BARX2: variants seen among roughly 807,000 people sequenced by gnomAD.
BARX2 encodes the protein homeobox protein BarH-like 2.
BARX2 carries 11 observed loss-of-function variants against 25.5 expected under a neutral mutation model. The ratio of observed to expected loss-of-function variants is 0.43; its 90% CI spans 0.27 to 0.71. The LOEUF (loss-of-function observed/expected upper bound fraction) is 0.71, where lower values mean the gene tolerates loss of function less well. Among genes scored for constraint, BARX2 ranks in the 30% least tolerant of loss-of-function variants. BARX2 has a pLI of 0.19. For synonymous variants in BARX2, 137 were observed against 149.5 expected (o/e 0.92, Z 0.61); for missense variants, 360 against 359.9 (o/e 1.00, Z 0.00).
chr11:129,439,877 C>T (rs1174896983), intron 2 of BARX2, among the ~76,000 whole-genome samples: 1 of 152,034 alleles, frequency 6.6e-6, no homozygotes, highest in East Asian at 1.9e-4. Context: ...GCGTGCATGA[C>T]TAACATATTA....
At chr11:129,441,843 T>C (rs556331849) in intron 2 of BARX2, among the ~76,000 whole-genome samples, 1 of 152,336 alleles carries the variant, frequency 6.6e-6, no homozygotes, top group African/African-American at 2.4e-5. Context: ...CTCAACTCTC[T>C]TATCTGTAAA....
chr11:129,389,665 T>C (rs1427626058), intron 1 of BARX2, among the ~76,000 whole-genome samples: 1 of 151,740 alleles, frequency 6.6e-6, no homozygotes, highest in African/African-American at 2.4e-5. Context: ...GCAGAATTTC[T>C]CAACACGTTT....
chr11:129,398,823 G>A (rs6590384), intron 1 of BARX2, among the ~76,000 whole-genome samples: 46,088 of 152,100 alleles, frequency 0.3, 8,532 homozygotes, highest in East Asian at 0.53. Context: ...TTTAGTTCCA[G>A]TAGTTGGCTT....
intron 1 of BARX2, among the ~76,000 whole-genome samples, chr11:129,428,662 G>C (rs1449339520): frequency 6.6e-6 from 1 of 152,196 alleles, no homozygotes; most frequent in African/African-American, 2.4e-5. Context: ...TTTTCGGAGA[G>C]ATCCAGTGGT....
At chr11:129,412,143 G>T (rs1053401801) in intron 1 of BARX2, among the ~76,000 whole-genome samples, 1 of 151,922 alleles carries the variant, frequency 6.6e-6, no homozygotes, top group Admixed American at 6.5e-5. Flanking sequence ...ATGGTGGCGG[G>T]CGCCTGTAGT....
At chr11:129,399,837 G>A (rs1861758512) in intron 1 of BARX2, among the ~76,000 whole-genome samples, 1 of 152,204 alleles carries the variant, frequency 6.6e-6, no homozygotes, top group Non-Finnish European at 1.5e-5. Context: ...CCTTCTGGGT[G>A]CTGCCTGGCA....
Position 129,395,877 on chromosome 11 carries a change from C to T in BARX2, c.187+19655C>T, listed in dbSNP as rs556542028. On this transcript the variant is annotated intron_variant, in intron 1 of 3. Transcript: ENST00000281437. ...ATGGTGAAATGGGTATAGCGACACC[C>T]GTGCTCAGGGTTTGCTATAGAGATT... Among the ~76,000 whole-genome samples the T allele has an allele frequency of 4.6e-5, 7 of 152,170 alleles. No homozygotes were observed. The East Asian group carries it at 5.8e-4, about 13-fold the overall frequency.
chr11:129,394,007 G>C (rs943118777), intron 1 of BARX2, among the ~76,000 whole-genome samples: 4 of 151,968 alleles, frequency 2.6e-5, no homozygotes, highest in Admixed American at 6.6e-5. Context: ...TCCCCTCCCT[G>C]ATGCTGTCTG....
intron 1 of BARX2, among the ~76,000 whole-genome samples, chr11:129,429,570 A>T (rs139111419): frequency 6.0e-4 from 92 of 152,230 alleles, no homozygotes; most frequent in Middle Eastern, 3.4e-3. Context: ...AATTAATGTC[A>T]ATAGCCAAGA....
At chr11:129,402,346 T>C (rs1861785824) in intron 1 of BARX2, among the ~76,000 whole-genome samples, 1 of 152,034 alleles carries the variant, frequency 6.6e-6, no homozygotes, top group East Asian at 1.9e-4. Flanking sequence ...GCATACTCAC[T>C]ACACAGGATT....
At chr11:129,421,704 G>T (rs547847755) in intron 1 of BARX2, among the ~76,000 whole-genome samples, 58 of 152,172 alleles carry the variant, frequency 3.8e-4, no homozygotes, top group Middle Eastern at 3.2e-3. Flanking sequence ...AGGTGCTCCG[G>T]TTTAATGACT....
intron 1 of BARX2, among the ~76,000 whole-genome samples, chr11:129,417,562 T>C (rs1278072551): frequency 6.6e-6 from 1 of 152,212 alleles, no homozygotes; most frequent in East Asian, 1.9e-4. Context: ...GTTGCTTTTG[T>C]CAAAAATCCT....
At chr11:129,421,249 G>A (rs901634203) in intron 1 of BARX2, among the ~76,000 whole-genome samples, 1 of 152,188 alleles carries the variant, frequency 6.6e-6, no homozygotes, top group Non-Finnish European at 1.5e-5. Flanking sequence ...TCAAACATGA[G>A]TAAATATTGA....
intron 2 of BARX2, among the ~76,000 whole-genome samples, chr11:129,441,322 G>A (rs1452798646): frequency 2.6e-5 from 4 of 152,134 alleles, no homozygotes; most frequent in African/African-American, 7.2e-5. Context: ...TTAACTCTAC[G>A]ATCATCTGCC....
intron 1 of BARX2, among the ~76,000 whole-genome samples, chr11:129,391,334 G>A (rs1861663616): frequency 6.6e-6 from 1 of 152,168 alleles, no homozygotes; most frequent in African/African-American, 2.4e-5. Context: ...AATGTTATTG[G>A]AACACAGCAC....
intron 1 of BARX2, among the ~76,000 whole-genome samples, chr11:129,398,531 C>T (rs1591431980): frequency 6.6e-6 from 1 of 152,296 alleles, no homozygotes; most frequent in East Asian, 1.9e-4. Flanking sequence ...CTATTCCAAG[C>T]ACATGCTCAA....
intron 1 of BARX2, among the ~76,000 whole-genome samples, chr11:129,427,389 GT>G (rs1057072682): frequency 1.3e-5 from 2 of 151,910 alleles, no homozygotes; most frequent in Non-Finnish European, 2.9e-5. Context: ...GTGATTTTAT[GT>G]TTTTTTTCTA....
chr11:129,440,890 C>T (rs1862247900), intron 2 of BARX2, among the ~76,000 whole-genome samples: 1 of 152,206 alleles, frequency 6.6e-6, no homozygotes, highest in South Asian at 2.1e-4. Flanking sequence ...CGGCAATCCT[C>T]AGAAACCTAG....
At chr11:129,422,536 C>T (rs567578612) in intron 1 of BARX2, among the ~76,000 whole-genome samples, 9 of 152,078 alleles carry the variant, frequency 5.9e-5, no homozygotes, top group African/African-American at 1.9e-4. Flanking sequence ...TGGCTTCAAA[C>T]GATCCTCCTG....
Sources: gnomAD v4.1 joint callset for allele counts (sites outside exome capture counted in the v4.1 genomes callset) on GRCh38, gnomAD v4.1.1 for gene constraint, MANE v1.5 for transcripts, NCBI Gene and HGNC (gene_info 2026-07-23, HGNC 2026-07-21) for gene names.